GRM1: variants seen among roughly 807,000 people sequenced by gnomAD.
The protein encoded by GRM1 is glutamate metabotropic receptor 1, also known as metabotropic glutamate receptor 1.
In GRM1, 33 loss-of-function variants were observed where a neutral mutation model predicts 90.9. The ratio of observed to expected loss-of-function variants is 0.36; its 90% confidence interval spans 0.28 to 0.49. GRM1 has a LOEUF of 0.49. GRM1 is among the 20% of genes least tolerant of loss of function. The pLI, the probability that GRM1 is intolerant of heterozygous loss-of-function variation, is 0.99. For missense variants in GRM1, 1,190 were observed against 1,534.3 expected (o/e 0.78, Z 3.75); for synonymous variants, 700 against 613.2 (o/e 1.14, Z -2.09).
At chr6:146,276,822 A>G (rs1046800354) in intron 2 of GRM1, among the ~76,000 whole-genome samples, 5 of 152,204 alleles carry the variant, frequency 3.3e-5, no homozygotes, top group Non-Finnish European at 7.4e-5. Flanking sequence ...CTCCAGAGGC[A>G]GGGCACGGTG....
At chr6:146,083,506 A>G (rs778503390) in intron 1 of GRM1, among the ~76,000 whole-genome samples, 7 of 152,222 alleles carry the variant, frequency 4.6e-5, no homozygotes, top group Non-Finnish European at 8.8e-5. Context: ...GGTTTTTGTC[A>G]TTGGTTCTGT....
At position 146,029,661 on chromosome 6, in the gene GRM1, A is replaced by G. The variant is rs377586730; in HGVS notation, c.144A>G (p.Gly48=). Residue 48 remains glycine, a synonymous_variant, in exon 1 of 8, where the codon GGA becomes GGG. Transcript: ENST00000282753. ...VARMDGDVII[G]ALFSVHHQPP... The stretch of plus-strand genomic sequence containing the variant: ...GAATGGACGGAGATGTCATCATTGG[A>G]GCCCTCTTCTCAGTCCATCACCAGC... 2.1e-5 allele frequency: 34 copies of G among 1,613,752 alleles called. No homozygotes were observed. Among genetic ancestry groups the G allele is most frequent in the African/African-American group, 4.0e-5 (3 of 74,800 alleles).
intron 5 of GRM1, among the ~76,000 whole-genome samples, chr6:146,376,107 C>G (rs1176853828): frequency 2.6e-5 from 4 of 152,032 alleles, no homozygotes; most frequent in Admixed American, 2.6e-4. Context: ...ATTGTTTTAA[C>G]CTCATAACAA....
At chr6:146,176,259 A>T (rs554387714) in intron 2 of GRM1, among the ~76,000 whole-genome samples, 4 of 152,072 alleles carry the variant, frequency 2.6e-5, no homozygotes, top group Non-Finnish European at 5.9e-5. Flanking sequence ...AACTGGCAAT[A>T]GTCAAGCAGA....
chr6:146,403,220 A>G (rs1322386611), intron 7 of GRM1, among the ~76,000 whole-genome samples: 1 of 152,188 alleles, frequency 6.6e-6, no homozygotes, highest in Non-Finnish European at 1.5e-5. Context: ...TTCAAATATC[A>G]TATAAATGAC....
At chr6:146,179,373 T>A (rs1345110995) in intron 2 of GRM1, among the ~76,000 whole-genome samples, 3 of 152,180 alleles carry the variant, frequency 2.0e-5, no homozygotes, top group African/African-American at 7.2e-5. Context: ...GGAGAAGGAA[T>A]GGGTGGGTAT....
chr6:146,398,357 G>T (rs1777042148), intron 6 of GRM1, among the ~76,000 whole-genome samples: 1 of 152,164 alleles, frequency 6.6e-6, no homozygotes, highest in Non-Finnish European at 1.5e-5. Context: ...TGCATCAAAA[G>T]AAAAGTTTTG....
At chr6:146,340,950 C>T (rs1784954339) in intron 3 of GRM1, among the ~76,000 whole-genome samples, 1 of 152,122 alleles carries the variant, frequency 6.6e-6, no homozygotes, top group Non-Finnish European at 1.5e-5. Context: ...AAACAACAGG[C>T]CCCAAAATAG....
chr6:146,037,537 A>G lies in GRM1; in HGVS notation c.700+7320A>G, dbSNP rs534709574. On this transcript the variant is annotated intron_variant, in intron 1 of 7. Transcript: ENST00000282753. The stretch of plus-strand genomic sequence containing the variant: ...TGCACGCCTCTCATGTGAGGTCCAT[A>G]CTATTTAGCTCAACTGTGTCTTTCC... Among the ~76,000 whole-genome samples the G allele has an allele frequency of 5.6e-4, 85 of 151,904 alleles. 1 individual carries two copies. The highest frequency in any genetic ancestry group is 3.4e-3 in the Middle Eastern group (1 of 294).
rs2114697752 is a variant in GRM1, at chr6:146,434,025, A to G, written c.2814A>G (p.Gln938=). The G allele has an allele frequency of 1.2e-6, 2 of 1,614,164 alleles. No individual in the cohort carries two copies. Among genetic ancestry groups the G allele is most frequent in the Non-Finnish European group, 1.7e-6 (2 of 1,180,022 alleles). ...TCAAGCCCCTCACTAAAAGTTACCA[A>G]GGCTCTGGCAAGAGCCTGACCTTTT... ...AVIKPLTKSY[Q]GSGKSLTFSD... The change falls in exon 8 of 8, where the codon CAA becomes CAG. Residue 938 remains glutamine, a synonymous_variant. Transcript: ENST00000282753.
At chr6:146,394,873 T>G (rs1480634131) in intron 6 of GRM1, among the ~76,000 whole-genome samples, 2 of 152,090 alleles carry the variant, frequency 1.3e-5, no homozygotes, top group African/African-American at 4.8e-5. Flanking sequence ...AAGGTTTCTT[T>G]TGCAATTTTA....
intron 1 of GRM1, among the ~76,000 whole-genome samples, chr6:146,100,979 A>G (rs1777031285): frequency 2.6e-5 from 4 of 152,166 alleles, no homozygotes. Context: ...CAGGCTGCCA[A>G]GTACACAGGG....
intron 3 of GRM1, among the ~76,000 whole-genome samples, chr6:146,311,285 G>C (rs897529997): frequency 1.3e-5 from 2 of 152,230 alleles, no homozygotes; most frequent in African/African-American, 4.8e-5. Flanking sequence ...TTATAGCTTA[G>C]TCAAACAAAT....
chr6:146,217,911 C>A (rs1779930410), intron 2 of GRM1, among the ~76,000 whole-genome samples: 1 of 152,108 alleles, frequency 6.6e-6, no homozygotes, highest in Non-Finnish European at 1.5e-5. Context: ...GGCTGTATTA[C>A]AGTAGTAGCA....
In GRM1 at chr6:146,399,328, C is replaced by T. The variant is rs1342158095; in HGVS notation, c.2289C>T (p.Leu763=). 1 of 1,614,162 alleles carries T rather than the reference C, an allele frequency of 6.2e-7. No individual in the cohort carries two copies. The highest frequency in any genetic ancestry group is 1.7e-5 in the Admixed American group (1 of 60,028). The stretch of plus-strand genomic sequence containing the variant: ...CCCCTTTGGGCTACAATGGACTCCT[C>T]ATCATGAGCTGTACCTACTATGCCT... The part of the protein sequence containing the change: ...VVAPLGYNGL[L]IMSCTYYAFK... Residue 763 remains leucine (L), a synonymous_variant, in exon 7 of 8, where the codon CTC becomes CTT. Transcript: ENST00000282753. This position sits in a 1 kb window ranked among gnomAD's most constrained non-coding sequence, Gnocchi z 5.4.
chr6:146,303,266 G>A (rs1246145558), intron 2 of GRM1, among the ~76,000 whole-genome samples: 1 of 152,066 alleles, frequency 6.6e-6, no homozygotes, highest in African/African-American at 2.4e-5. Context: ...TGCTTTCTTT[G>A]GCAGAGACTG....
chr6:146,118,843 A>T lies in GRM1; in HGVS notation c.701-40505A>T, dbSNP rs543480235. ...ATTTTCTTAATCCAGTCTATCATTGATGGACATTTGGGTTGGTTCCAAGTC... is the reference window on the plus strand; with the variant it reads ...ATTTTCTTAATCCAGTCTATCATTGTTGGACATTTGGGTTGGTTCCAAGTC... On this transcript the variant is annotated intron_variant, in intron 1 of 7. Transcript: ENST00000282753. Among the ~76,000 whole-genome samples the T allele has an allele frequency of 3.1e-3, 470 of 152,288 alleles. 3 individuals are homozygous for T. The highest frequency in any genetic ancestry group is 4.2e-3 in the Non-Finnish European group (288 of 68,026).
intron 2 of GRM1, among the ~76,000 whole-genome samples, chr6:146,213,648 A>C (rs948772781): frequency 1.3e-5 from 2 of 152,096 alleles, no homozygotes; most frequent in Non-Finnish European, 2.9e-5. Flanking sequence ...TCTCCAAAGA[A>C]AGAACCAATA....
chr6:146,080,404 T>C (rs1256685838), intron 1 of GRM1, among the ~76,000 whole-genome samples: 1 of 152,210 alleles, frequency 6.6e-6, no homozygotes, highest in African/African-American at 2.4e-5. Context: ...GTCTTACTTT[T>C]TGTGTTTCTA....
Sources: gnomAD v4.1 joint callset for allele counts (sites outside exome capture counted in the v4.1 genomes callset) on GRCh38, gnomAD v4.1.1 for gene constraint, Gnocchi (gnomAD v3.1) non-coding constraint, MANE v1.5 for transcripts, NCBI Gene and HGNC (gene_info 2026-07-23, HGNC 2026-07-21) for gene names.